The following SPOCK1 variants were observed in gnomAD, a reference collection of about 807,000 sequenced individuals.
SPOCK1 encodes SPARC (osteonectin), cwcv and kazal like domains proteoglycan 1, also known as testican-1.
In SPOCK1, 23 loss-of-function variants were observed where a neutral mutation model predicts 55.3. The ratio of observed to expected loss-of-function variants is 0.42; its 90% confidence interval spans 0.30 to 0.59. SPOCK1 has a LOEUF of 0.59. SPOCK1 is among the 20% of genes least tolerant of loss of function. The pLI, the probability that SPOCK1 is intolerant of heterozygous loss-of-function variation, is 0.22. For missense variants in SPOCK1, 499 were observed against 552.5 expected (o/e 0.90, Z 0.97); for synonymous variants, 226 against 221.0 (o/e 1.02, Z -0.20).
At chr5:137,414,118 T>G (rs1752279482) in intron 2 of SPOCK1, among the ~76,000 whole-genome samples, 1 of 152,216 alleles carries the variant, frequency 6.6e-6, no homozygotes. Flanking sequence ...TATAACCATA[T>G]GAACAACTTT....
At chr5:137,428,620 C>G (rs1473419949) in intron 2 of SPOCK1, among the ~76,000 whole-genome samples, 1 of 152,146 alleles carries the variant, frequency 6.6e-6, no homozygotes, top group Admixed American at 6.5e-5. Context: ...ATAAGCTTTC[C>G]AGAAGCACTA....
intron 2 of SPOCK1, among the ~76,000 whole-genome samples, chr5:137,387,170 T>C (rs1354199864): frequency 1.3e-5 from 2 of 152,236 alleles, no homozygotes; most frequent in Non-Finnish European, 2.9e-5. Context: ...CAAATGCTGA[T>C]AGGAACTCTC....
chr5:137,173,099 C>T (rs963560782), intron 3 of SPOCK1, among the ~76,000 whole-genome samples: 1 of 151,998 alleles, frequency 6.6e-6, no homozygotes, highest in Non-Finnish European at 1.5e-5. Context: ...ATGATGCTTG[C>T]CTCTCATCTC....
intron 5 of SPOCK1, among the ~76,000 whole-genome samples, chr5:137,073,674 C>CA (rs529018605): frequency 6.8e-6 from 1 of 146,742 alleles, no homozygotes; most frequent in Non-Finnish European, 1.5e-5. Context: ...GAGGAAAATG[C>CA]TTTTTTTTTT....
intron 6 of SPOCK1, among the ~76,000 whole-genome samples, chr5:137,004,047 C>T (rs981533935): frequency 6.6e-6 from 1 of 152,108 alleles, no homozygotes; most frequent in African/African-American, 2.4e-5. Context: ...GTGGATGGTG[C>T]CATGGGGATA....
intron 2 of SPOCK1, among the ~76,000 whole-genome samples, chr5:137,292,881 A>G (rs1166516126): frequency 6.6e-6 from 1 of 152,164 alleles, no homozygotes; most frequent in Non-Finnish European, 1.5e-5. Context: ...TGCAGGCCAC[A>G]TTTCCCTCAG....
At chr5:137,377,580 A>T (rs922794903) in intron 2 of SPOCK1, among the ~76,000 whole-genome samples, 1 of 152,074 alleles carries the variant, frequency 6.6e-6, no homozygotes, top group Non-Finnish European at 1.5e-5. Context: ...TGTTCCTGTT[A>T]TTTTTTTTAA....
chr5:137,067,733 G>C lies in SPOCK1; in HGVS notation c.571C>G (p.His191Asp), dbSNP rs1309424014. ...CACTCACCACTCCTTTCTGCCTTGT[G>C]CTTTGGTGGCTCAGGCTCTGGGAGA... ...PCLPEPEPPK[H>D]KAERSACTDK... is the part of the protein sequence containing the mutation. Residue 191 changes from histidine to aspartate, a missense_variant, in exon 6 of 11, where the codon CAC (histidine) becomes GAC (aspartate). Coordinates refer to ENST00000394945, the MANE Select transcript of SPOCK1 (RefSeq NM_004598.4). The C allele has an allele frequency of 6.2e-7, 1 of 1,613,984 alleles. No individual in the cohort carries two copies. Among genetic ancestry groups the C allele is most frequent in the Admixed American group, 1.7e-5 (1 of 59,992 alleles).
chr5:137,180,209 C>A (rs1373645750), intron 3 of SPOCK1, among the ~76,000 whole-genome samples: 1 of 152,184 alleles, frequency 6.6e-6, no homozygotes, highest in Non-Finnish European at 1.5e-5. Context: ...GAGCACCAGG[C>A]ACACAGCACA....
At chr5:137,364,794 G>T (rs1751021929) in intron 2 of SPOCK1, among the ~76,000 whole-genome samples, 1 of 152,214 alleles carries the variant, frequency 6.6e-6, no homozygotes, top group African/African-American at 2.4e-5. Context: ...CTTGGAATTA[G>T]CCAAAGCTGT....
intron 2 of SPOCK1, among the ~76,000 whole-genome samples, chr5:137,345,633 C>G (rs1750540001): frequency 6.6e-6 from 1 of 152,216 alleles, no homozygotes; most frequent in African/African-American, 2.4e-5. Context: ...TATTCCAAAA[C>G]TTTCCCAAAA....
chr5:137,279,750 C>G (rs1031261599), intron 2 of SPOCK1, among the ~76,000 whole-genome samples: 4 of 152,194 alleles, frequency 2.6e-5, no homozygotes, highest in African/African-American at 9.7e-5. Flanking sequence ...AGCTGGAAGG[C>G]TAAGCCATGA....
At chr5:137,237,163 T>C (rs1432212089) in intron 3 of SPOCK1, among the ~76,000 whole-genome samples, 2 of 152,214 alleles carry the variant, frequency 1.3e-5, no homozygotes, top group African/African-American at 4.8e-5. Context: ...AAATCATTAA[T>C]TGCCTTTCAG....
rs529701524 is a variant in SPOCK1 at position 137,469,697 on chromosome 5, A to G, written c.186+28676T>C. ...GTTCAGTGCAACGTACTTTGGAAAC[A>G]CTGTGATATACACACCCCGTTCTCC... is the stretch of plus-strand genomic sequence containing the variant. On this transcript the variant is annotated intron_variant, in intron 2 of 10. Transcript: ENST00000394945. 2.0e-5 allele frequency among the ~76,000 whole-genome samples: 3 copies of G among 152,268 alleles called. No homozygotes were observed. In the South Asian group the frequency reaches 6.2e-4, roughly 32 times the overall value.
chr5:137,381,053 C>T (rs1447607020), intron 2 of SPOCK1, among the ~76,000 whole-genome samples: 1 of 152,088 alleles, frequency 6.6e-6, no homozygotes, highest in African/African-American at 2.4e-5. Context: ...GTAAATGCTC[C>T]CATTCCAAAT....
intron 2 of SPOCK1, among the ~76,000 whole-genome samples, chr5:137,286,677 G>A (rs1032116751): frequency 6.6e-6 from 1 of 152,208 alleles, no homozygotes; most frequent in Non-Finnish European, 1.5e-5. Flanking sequence ...TAGAGTCTGA[G>A]TGTGTCAAAT....
At chr5:137,111,626 A>G (rs553412610) in intron 5 of SPOCK1, among the ~76,000 whole-genome samples, 2 of 152,228 alleles carry the variant, frequency 1.3e-5, no homozygotes, top group Admixed American at 1.3e-4. Context: ...ACCCATTCTC[A>G]ATCACAAATG....
intron 2 of SPOCK1, among the ~76,000 whole-genome samples, chr5:137,443,330 C>G (rs1338503726): frequency 6.6e-6 from 1 of 152,182 alleles, no homozygotes; most frequent in African/African-American, 2.4e-5. Flanking sequence ...CTCCCTCTTT[C>G]TTTGGTCCTT....
intron 2 of SPOCK1, chr5:137,365,282 A>T (rs939906575): frequency 3.9e-5 from 6 of 152,256 alleles, no homozygotes; most frequent in African/African-American, 1.4e-4. Context: ...GGAATCTCTG[A>T]CCAACTTGAA....
Sources: gnomAD v4.1 joint callset for allele counts (sites outside exome capture counted in the v4.1 genomes callset) on GRCh38, gnomAD v4.1.1 for gene constraint, MANE v1.5 for transcripts, NCBI Gene and HGNC (gene_info 2026-07-23, HGNC 2026-07-21) for gene names.